C2CD5: variants seen among roughly 807,000 people sequenced by gnomAD.
C2CD5 encodes the protein C2 calcium dependent domain containing 5, also known as C2 domain-containing protein 5.
Under a neutral mutation model 130.3 loss-of-function variants are expected in C2CD5, and 109 were observed. That is an observed-to-expected ratio of 0.84 (90% CI 0.72 to 0.98). The LOEUF (loss-of-function observed/expected upper bound fraction) is 0.98. C2CD5 is among the 50% of genes least tolerant of loss of function. The probability of loss-of-function intolerance (pLI) is 0.00; values close to 1 mark genes in which losing one functional copy is unlikely to be tolerated. For synonymous variants in C2CD5, 454 were observed against 429.2 expected, an observed-to-expected ratio of 1.06 and a Z score of -0.71; for missense variants, 996 against 1,261.8, an observed-to-expected ratio of 0.79 and a Z score of 3.19.
intron 3 of C2CD5, among the ~76,000 whole-genome samples, chr12:22,530,474 T>TA (rs1432962506): frequency 6.6e-6 from 1 of 151,660 alleles, no homozygotes; most frequent in African/African-American, 2.4e-5. Flanking sequence ...TTTTTTTTTT[T>TA]TAAGACGGAG....
intron 22 of C2CD5, among the ~76,000 whole-genome samples, chr12:22,466,246 T>C (rs747919910): frequency 1.7e-4 from 26 of 151,608 alleles, no homozygotes; most frequent in Non-Finnish European, 2.7e-4. Context: ...ATTTTAACAA[T>C]CATCCTATTT....
At chr12:22,510,182 G>A (rs1949032797) in intron 9 of C2CD5, among the ~76,000 whole-genome samples, 1 of 152,002 alleles carries the variant, frequency 6.6e-6, no homozygotes, top group Non-Finnish European at 1.5e-5. Context: ...TCCACCCTGG[G>A]CAAGAAGAAC....
intron 9 of C2CD5, among the ~76,000 whole-genome samples, chr12:22,508,807 T>C (rs940192331): frequency 6.6e-6 from 1 of 152,174 alleles, no homozygotes; most frequent in African/African-American, 2.4e-5. Context: ...CCTCAAAATA[T>C]CTGAGGCATG....
chr12:22,543,982 G>A, intron 2 of C2CD5, 79 bp downstream of exon 2: 1 of 1,099,964 alleles, frequency 9.1e-7, no homozygotes, highest in East Asian at 2.4e-5. Context: ...AATAGGCTGA[G>A]GGGCTGGGGG....
In C2CD5 at chr12:22,449,046, A is replaced by G. The variant is rs1269564851; in HGVS notation, c.*714T>C. The G allele has an allele frequency of 6.6e-6, 1 of 152,230 alleles. No individual in the cohort carries two copies. The highest frequency in any genetic ancestry group is 1.5e-5 in the Non-Finnish European group (1 of 68,014). 9.4% of individuals were successfully genotyped at this position (152,230 alleles called of 1,614,324 possible). On this transcript the variant is annotated 3_prime_UTR_variant, in exon 27 of 27. Transcript: ENST00000446597. ...TCCCAGTTGAAGTCAAGCCTCTTTT[A>G]GACAAAGTCAATACTAACTCAAATG... is the stretch of plus-strand genomic sequence containing the variant.
intron 10 of C2CD5, among the ~76,000 whole-genome samples, chr12:22,499,208 A>C (rs1398530675): frequency 6.6e-6 from 1 of 152,168 alleles, no homozygotes; most frequent in African/African-American, 2.4e-5. Flanking sequence ...GGTATGTGGG[A>C]TAATTCCCCT....
chr12:22,480,871 C>A (rs963996096), intron 14 of C2CD5, among the ~76,000 whole-genome samples: 11 of 151,814 alleles, frequency 7.2e-5, no homozygotes, highest in Admixed American at 2.6e-4. Flanking sequence ...GTGGCACAAT[C>A]ACGGCTCACT....
chr12:22,511,938 A>T (rs1949242627), intron 9 of C2CD5, among the ~76,000 whole-genome samples: 1 of 152,008 alleles, frequency 6.6e-6, no homozygotes, highest in Non-Finnish European at 1.5e-5. Flanking sequence ...ATTCTGGCCT[A>T]AAAAAAATGG....
intron 10 of C2CD5, among the ~76,000 whole-genome samples, chr12:22,503,169 T>C (rs1948025636): frequency 6.6e-6 from 1 of 152,170 alleles, no homozygotes; most frequent in Non-Finnish European, 1.5e-5. Context: ...TTTTCCCTTC[T>C]ATAGTGAGAA....
chr12:22,474,729 A>C (rs1277410894), intron 16 of C2CD5, 22 bp downstream of exon 16: 1 of 1,557,844 alleles, frequency 6.4e-7, no homozygotes, highest in South Asian at 1.3e-5. Context: ...ACCTTTAAGA[A>C]ATTAGTCCAA....
chr12:22,467,779 A>G (rs1434320915), intron 22 of C2CD5, among the ~76,000 whole-genome samples: 1 of 152,190 alleles, frequency 6.6e-6, no homozygotes, highest in Non-Finnish European at 1.5e-5. Context: ...TACTCTACTC[A>G]AATTCTTATT....
At chr12:22,521,242 C>T (rs986893355) in intron 7 of C2CD5, among the ~76,000 whole-genome samples, 3 of 152,070 alleles carry the variant, frequency 2.0e-5, no homozygotes, top group African/African-American at 7.2e-5. Flanking sequence ...AATAAAACAG[C>T]CTGAGTATTG....
At chr12:22,523,912 AATACATGTATGAAT>A (rs1324235155) in intron 6 of C2CD5, among the ~76,000 whole-genome samples, 1 of 151,982 alleles carries the variant, frequency 6.6e-6, no homozygotes, top group Non-Finnish European at 1.5e-5. Context: ...CTTTGTGTGA[AATACATGTATGAAT>A]ATATATTCAC....
Position 22,453,960 on chromosome 12 carries a change from C to T in C2CD5, c.2960G>A (p.Gly987Glu). Residue 987 changes from glycine to glutamate, a missense_variant, in exon 26 of 27, where the codon GGG becomes GAG. This residue lies in a region of C2CD5 where 51 missense variants were observed against 99.5 expected (regional missense o/e 0.51). Transcript: ENST00000446597. ...MVRAHVAALG[G>E]NAVVSYIMKQ... ...CATTATGTAGGAGACAACAGCATTC[C>T]CTCCTAATGCAGCAACATGAGCTCT... 1.2e-6 allele frequency: 2 copies of T among 1,612,670 alleles called. No individual in the cohort carries two copies. The highest frequency in any genetic ancestry group is 1.7e-6 in the Non-Finnish European group (2 of 1,178,848).
intron 20 of C2CD5, 54 bp downstream of exon 20, chr12:22,471,345 G>A: frequency 1.0e-6 from 1 of 971,810 alleles, no homozygotes; most frequent in Non-Finnish European, 1.6e-6. Context: ...AACAGATAAT[G>A]AAAATAATAA....
chr12:22,501,868 TA>T (rs1947845968), intron 10 of C2CD5, among the ~76,000 whole-genome samples: 1 of 152,128 alleles, frequency 6.6e-6, no homozygotes, highest in African/African-American at 2.4e-5. Context: ...AGATATTATC[TA>T]AAATTCTGAG....
intron 14 of C2CD5, among the ~76,000 whole-genome samples, chr12:22,481,184 T>C (rs1210804468): frequency 6.6e-6 from 1 of 152,172 alleles, no homozygotes; most frequent in African/African-American, 2.4e-5. Flanking sequence ...AATACCTAAT[T>C]AGTTTATCAT....
At chr12:22,516,198 G>GAA (rs1377309080) in intron 8 of C2CD5, among the ~76,000 whole-genome samples, 1 of 151,834 alleles carries the variant, frequency 6.6e-6, no homozygotes, top group African/African-American at 2.4e-5. Context: ...AGAAAATCAT[G>GAA]AAATACAGGC....
At chr12:22,544,226 G>A in intron 1 of C2CD5, 47 bp from the exon 2 acceptor site, 6 of 1,461,358 alleles carry the variant, frequency 4.1e-6, no homozygotes, top group Non-Finnish European at 5.7e-6. Flanking sequence ...GGGCCGGCGG[G>A]AGAGGGGCGG....
Sources: allele counts gnomAD v4.1 joint callset (sites outside exome capture counted in the v4.1 genomes callset), GRCh38; gene constraint gnomAD v4.1.1; regional missense constraint gnomAD v4.1.1; transcripts MANE v1.5; gene names NCBI Gene and HGNC (gene_info 2026-07-23, HGNC 2026-07-21).